The following CERS6 variants were observed in gnomAD, a reference collection of about 807,000 sequenced individuals.
CERS6 encodes LAG1 homolog, ceramide synthase 6.
Under a neutral mutation model 56.8 loss-of-function variants are expected in CERS6, and 26 were observed. That is an observed-to-expected ratio of 0.46 (90% CI 0.34 to 0.63). The LOEUF (loss-of-function observed/expected upper bound fraction) is 0.63, where lower values mean the gene tolerates loss of function less well. CERS6 is among the 30% of genes least tolerant of loss of function. The pLI is 0.01. For missense variants in CERS6, 415 were observed against 467.5 expected (o/e 0.89, Z 1.04); for synonymous variants, 164 against 173.3 (o/e 0.95, Z 0.42).
chr2:168,695,938 C>G (rs918572124), intron 6 of CERS6, among the ~76,000 whole-genome samples: 5 of 152,126 alleles, frequency 3.3e-5, no homozygotes, highest in African/African-American at 1.2e-4. Flanking sequence ...AAATTTGATA[C>G]TTTTTGAGTG....
chr2:168,530,626 T>A (rs1266575925), intron 1 of CERS6, among the ~76,000 whole-genome samples: 1 of 152,226 alleles, frequency 6.6e-6, no homozygotes, highest in Non-Finnish European at 1.5e-5. Flanking sequence ...ACAGCTAGAT[T>A]CTGTGTTTCT....
At chr2:168,754,848 C>G (rs1398101013) in intron 8 of CERS6, among the ~76,000 whole-genome samples, 3 of 152,180 alleles carry the variant, frequency 2.0e-5, no homozygotes, top group Admixed American at 6.5e-5. Context: ...GCCTTGAACT[C>G]CTGTGCTCAA....
chr2:168,574,777 T>G (rs892068057), intron 3 of CERS6, among the ~76,000 whole-genome samples: 5 of 152,220 alleles, frequency 3.3e-5, no homozygotes, highest in African/African-American at 4.8e-5. Context: ...CTTAATACTC[T>G]TGGGTATACA....
intron 3 of CERS6, among the ~76,000 whole-genome samples, chr2:168,630,309 C>A (rs945170971): frequency 1.4e-5 from 2 of 138,298 alleles, no homozygotes; most frequent in African/African-American, 2.8e-5. Context: ...TATACACACA[C>A]ACACACACAC....
At chr2:168,662,740 CA>C (rs910390736) in intron 4 of CERS6, among the ~76,000 whole-genome samples, 2 of 152,082 alleles carry the variant, frequency 1.3e-5, no homozygotes, top group African/African-American at 4.8e-5. Flanking sequence ...CTCAAACAAA[CA>C]AACAAACGAG....
intron 4 of CERS6, among the ~76,000 whole-genome samples, chr2:168,654,482 G>A (rs935423977): frequency 6.6e-6 from 1 of 152,134 alleles, no homozygotes; most frequent in Non-Finnish European, 1.5e-5. Flanking sequence ...GGTGGAGGAT[G>A]AAGTGAGCCA....
chr2:168,648,009 G>T (rs1293209986), intron 4 of CERS6, among the ~76,000 whole-genome samples: 2 of 152,060 alleles, frequency 1.3e-5, no homozygotes, highest in African/African-American at 4.8e-5. Context: ...TTGGTATCAG[G>T]ATGATTGCTG....
chr2:168,639,249 G>A (rs80023874), intron 4 of CERS6, among the ~76,000 whole-genome samples: 2,617 of 152,308 alleles, frequency 0.017, 101 homozygotes, highest in East Asian at 0.16. Context: ...TGAGAAGGGA[G>A]TTGCATTAGT....
At chr2:168,681,002 G>A (rs1276038900) in intron 4 of CERS6, among the ~76,000 whole-genome samples, 3 of 152,222 alleles carry the variant, frequency 2.0e-5, no homozygotes, top group Admixed American at 6.5e-5. Context: ...CCCTGAGAAT[G>A]GAGAGCTTGT....
At chr2:168,594,323 G>A (rs1389745330) in intron 3 of CERS6, among the ~76,000 whole-genome samples, 1 of 152,158 alleles carries the variant, frequency 6.6e-6, no homozygotes, top group Non-Finnish European at 1.5e-5. Flanking sequence ...ATGGGTTCAT[G>A]CCTGTAATCC....
chr2:168,495,647 G>A (rs1316713851), intron 1 of CERS6, among the ~76,000 whole-genome samples: 1 of 152,210 alleles, frequency 6.6e-6, no homozygotes, highest in African/African-American at 2.4e-5. Flanking sequence ...TTGGACAATA[G>A]TGTAAAGAGC....
intron 8 of CERS6, among the ~76,000 whole-genome samples, chr2:168,736,995 G>A (rs1180898871): frequency 6.6e-6 from 1 of 152,208 alleles, no homozygotes. Flanking sequence ...TCTAGAATTT[G>A]TGCTAAGGGG....
chr2:168,579,076 C>T (rs1683346448), intron 3 of CERS6, among the ~76,000 whole-genome samples: 1 of 152,014 alleles, frequency 6.6e-6, no homozygotes, highest in Non-Finnish European at 1.5e-5. Context: ...ATTTTGATTG[C>T]CCAAAAGAAG....
At chr2:168,615,267 G>A (rs1181194339) in intron 3 of CERS6, among the ~76,000 whole-genome samples, 1 of 152,108 alleles carries the variant, frequency 6.6e-6, no homozygotes, top group Non-Finnish European at 1.5e-5. Context: ...CAAATGAGAA[G>A]GAACCAGAAA....
intron 1 of CERS6, among the ~76,000 whole-genome samples, chr2:168,546,554 CA>C (rs1379796706): frequency 6.6e-6 from 1 of 152,254 alleles, no homozygotes; most frequent in East Asian, 1.9e-4. Flanking sequence ...ACTTTAAAAA[CA>C]AAAACCTTTG....
chr2:168,571,426 T>C (rs1181444965), intron 3 of CERS6, among the ~76,000 whole-genome samples: 1 of 152,042 alleles, frequency 6.6e-6, no homozygotes, highest in African/African-American at 2.4e-5. Context: ...CACCTAGGAA[T>C]GTAAGGGTGA....
chr2:168,698,859 C>T (rs55688452), intron 6 of CERS6, among the ~76,000 whole-genome samples: 2,327 of 152,066 alleles, frequency 0.015, 31 homozygotes, highest in Non-Finnish European at 0.023. Context: ...GTTTAGAAAT[C>T]GATTGTATAT....
rs1015026560 is a variant in CERS6 at position 168,695,734 on chromosome 2, G to T, written c.609+683G>T. ...TTGGGTGCAACAGAGTTCTGGACCT[G>T]AATTACAGGATGCCATCTCCCTGGA... On this transcript the variant is annotated intron_variant, in intron 6 of 9. Coordinates refer to ENST00000305747, the MANE Select transcript of CERS6 (RefSeq NM_203463.3). Among the ~76,000 whole-genome samples, 10 of 152,236 alleles carry T rather than the reference G, an allele frequency of 6.6e-5. No individual in the cohort carries two copies. The East Asian group carries it at 9.6e-4, about 15-fold the overall frequency.
chr2:168,580,574 A>G lies in CERS6; in HGVS notation c.407+19252A>G, dbSNP rs536822332. Reference sequence around the variant, plus strand: ...TTATTAACCTTAAACAACAGAGACAATTTTTTAAAGATTTGCACACATATT... The same window carrying G: ...TTATTAACCTTAAACAACAGAGACAGTTTTTTAAAGATTTGCACACATATT... On this transcript the variant is annotated intron_variant, in intron 3 of 9. Transcript: ENST00000305747. Among the ~76,000 whole-genome samples, 4 of 152,118 alleles carry G rather than the reference A, an allele frequency of 2.6e-5. No homozygotes were observed. In the South Asian group the frequency reaches 6.3e-4, roughly 24 times the overall value.
Sources: allele counts gnomAD v4.1 joint callset (sites outside exome capture counted in the v4.1 genomes callset), GRCh38; gene constraint gnomAD v4.1.1; transcripts MANE v1.5; gene names NCBI Gene and HGNC (gene_info 2026-07-23, HGNC 2026-07-21).